AMZ2: variants seen among roughly 807,000 people sequenced by gnomAD.
AMZ2 encodes archaemetzincin-2.
A neutral mutation model predicts 36.7 loss-of-function variants in AMZ2; 26 were observed. That is an observed-to-expected ratio of 0.71 (90% CI 0.52 to 0.98). The LOEUF is 0.98. AMZ2 is among the 50% of genes least tolerant of loss of function. AMZ2 has a pLI of 0.00. For synonymous variants in AMZ2, 144 were observed against 149.1 expected (o/e 0.97, Z 0.25); for missense variants, 394 against 430.5 (o/e 0.92, Z 0.75).
intron 1 of AMZ2, among the ~76,000 whole-genome samples, chr17:68,232,611 A>G (rs2073692397): frequency 6.6e-6 from 1 of 152,058 alleles, no homozygotes; most frequent in African/African-American, 2.4e-5. Flanking sequence ...TGGGAGGACA[A>G]GTGGGTGGTT....
At chr17:68,241,300 G>A (rs1177769250) in intron 1 of AMZ2, among the ~76,000 whole-genome samples, 1 of 152,050 alleles carries the variant, frequency 6.6e-6, no homozygotes, top group South Asian at 2.1e-4. Flanking sequence ...AAAATAAAGA[G>A]GTTCTACAAG....
In AMZ2 at chr17:68,248,096, A is replaced by C. The variant is rs781926345; in HGVS notation, c.-610A>C. ...GTGAGGGCTGCCGCGGGTGGGTGGT[A>C]TCGAGGCCTGTCGGGTCAGGGCGGT... is the stretch of plus-strand genomic sequence containing the variant. On this transcript the variant is annotated 5_prime_UTR_variant, in exon 1 of 7. Transcript: ENST00000359904. 1.0e-6 allele frequency: 1 copy of C among 986,246 alleles called. No homozygotes were observed. Among genetic ancestry groups the C allele is most frequent in the Non-Finnish European group, 1.2e-6 (1 of 830,620 alleles). The allele number at this position is 986,246 out of a possible 1,614,324, so 61.1% of individuals were successfully genotyped here. A position where few individuals can be genotyped will look rare whatever the true frequency, so the allele number is the denominator to read the frequency against.
chr17:68,214,288 G>A (rs1332178328), intron 1 of AMZ2, among the ~76,000 whole-genome samples: 1 of 152,128 alleles, frequency 6.6e-6, no homozygotes, highest in Non-Finnish European at 1.5e-5. Flanking sequence ...CTTGAGGTCT[G>A]TCCTCGAGAG....
At chr17:68,251,910 C>T (rs1568379941) in intron 4 of AMZ2, among the ~76,000 whole-genome samples, 1 of 152,032 alleles carries the variant, frequency 6.6e-6, no homozygotes, top group Non-Finnish European at 1.5e-5. Flanking sequence ...TTTAAAGAGT[C>T]AAAACGTCCA....
chr17:68,251,011 A>G (rs1555739422), intron 3 of AMZ2, 39 bp from the exon 4 acceptor site: 4 of 1,605,786 alleles, frequency 2.5e-6, no homozygotes, highest in East Asian at 2.2e-5. Flanking sequence ...ATATGTATAT[A>G]ATATACACTC....
At chr17:68,234,022 A>G (rs1218994221) in intron 1 of AMZ2, among the ~76,000 whole-genome samples, 6 of 152,184 alleles carry the variant, frequency 3.9e-5, no homozygotes, top group Non-Finnish European at 8.8e-5. Flanking sequence ...TTTCTTCAGC[A>G]TATAAATGTG....
chr17:68,251,780 CAATG>C (rs1410071350), intron 4 of AMZ2, among the ~76,000 whole-genome samples: 3 of 152,202 alleles, frequency 2.0e-5, no homozygotes, highest in Non-Finnish European at 4.4e-5. Flanking sequence ...TTTGAGCTAT[CAATG>C]GATGTGAAAA....
intron 1 of AMZ2, chr17:68,206,491 A>C (rs1599237692): frequency 1.2e-5 from 2 of 168,198 alleles, no homozygotes; most frequent in Non-Finnish European, 2.5e-5. Flanking sequence ...TCTCCCCCCC[A>C]ACCTCCTCTT....
At chr17:68,228,050 G>A (rs2073561248) in intron 1 of AMZ2, among the ~76,000 whole-genome samples, 1 of 151,952 alleles carries the variant, frequency 6.6e-6, no homozygotes, top group African/African-American at 2.4e-5. Context: ...TGTCCTTTTT[G>A]CCTCCACTGC....
rs782516379 is a variant in AMZ2 at position 68,251,028 on chromosome 17, T to G, written c.458-22T>G. On this transcript the variant is annotated intron_variant, in intron 3 of 6. Coordinates refer to ENST00000359904, the MANE Select transcript of AMZ2 (RefSeq NM_016627.5). ...ATGTATATAATATACACTCATACAT[T>G]TATGTATTTCTTTTTAAATAGGGGA... 8.1e-6 allele frequency: 13 copies of G among 1,606,232 alleles called. No individual in the cohort carries two copies. The African/African-American group carries it at 1.8e-4, about 22-fold the overall frequency.
At chr17:68,228,141 C>T (rs1302031533) in intron 1 of AMZ2, among the ~76,000 whole-genome samples, 4 of 152,142 alleles carry the variant, frequency 2.6e-5, no homozygotes, top group African/African-American at 9.7e-5. Context: ...CCGAGCTCAG[C>T]TCCCCATCCT....
chr17:68,207,707 G>T (rs2072882586), intron 1 of AMZ2, among the ~76,000 whole-genome samples: 1 of 152,252 alleles, frequency 6.6e-6, no homozygotes, highest in Non-Finnish European at 1.5e-5. Context: ...AGCCCTCATA[G>T]CCCTCCCTGG....
chr17:68,220,636 G>A (rs1376903811), intron 1 of AMZ2, among the ~76,000 whole-genome samples: 1 of 152,148 alleles, frequency 6.6e-6, no homozygotes, highest in Non-Finnish European at 1.5e-5. Flanking sequence ...GATGCTTCCA[G>A]TCCAGCAGGG....
chr17:68,225,155 G>A (rs1729978168), intron 1 of AMZ2, among the ~76,000 whole-genome samples: 1 of 152,112 alleles, frequency 6.6e-6, no homozygotes, highest in Non-Finnish European at 1.5e-5. Flanking sequence ...TGGAACCACT[G>A]CACTCCAGCT....
rs2074130668 is a variant in AMZ2 at position 68,248,087 on chromosome 17, G to C, written c.-619G>C. On this transcript the variant is annotated 5_prime_UTR_variant, in exon 1 of 7. Coordinates refer to ENST00000359904, the MANE Select transcript of AMZ2 (RefSeq NM_016627.5). The stretch of plus-strand genomic sequence containing the variant: ...CGCATGCGCGTGAGGGCTGCCGCGG[G>C]TGGGTGGTATCGAGGCCTGTCGGGT... 2.0e-6 allele frequency: 2 copies of C among 986,218 alleles called. No individual in the cohort carries two copies. Among genetic ancestry groups the C allele is most frequent in the Admixed American group, 6.1e-5 (1 of 16,278 alleles). 61.1% of individuals were successfully genotyped at this position (986,218 alleles called of 1,614,324 possible). A position where few individuals can be genotyped will look rare whatever the true frequency, so the allele number is the denominator to read the frequency against.
chr17:68,238,114 G>A (rs1555733185), intron 1 of AMZ2, among the ~76,000 whole-genome samples: 2 of 152,202 alleles, frequency 1.3e-5, no homozygotes, highest in African/African-American at 4.8e-5. Flanking sequence ...CTGTCATCCT[G>A]AAGCAGAGGC....
rs782626405 is a variant in AMZ2, at chr17:68,250,186, A to T, written c.1-2A>T. On this transcript the variant is annotated splice_acceptor_variant, in intron 1 of 6. Coordinates refer to ENST00000359904, the MANE Select transcript of AMZ2 (RefSeq NM_016627.5). LOFTEE classifies it low-confidence loss of function (5UTR_SPLICE). ...ATTTGATTACTTGCTTTTTTTTGTTAGATGCAAATAATACGGCACTCCGAA... is the reference window on the plus strand; with the variant it reads ...ATTTGATTACTTGCTTTTTTTTGTTTGATGCAAATAATACGGCACTCCGAA... 6 of 1,600,918 alleles carry T rather than the reference A, an allele frequency of 3.7e-6. No homozygotes were observed. The Admixed American group carries it at 5.3e-5, about 14-fold the overall frequency.
At chr17:68,233,783 A>G (rs1259429077) in intron 1 of AMZ2, among the ~76,000 whole-genome samples, 3 of 151,334 alleles carry the variant, frequency 2.0e-5, no homozygotes, top group Admixed American at 6.6e-5. Context: ...GTGCAGTGGC[A>G]TGATCTTGGC....
chr17:68,211,796 ATGTGT>A (rs2073062723), intron 1 of AMZ2, among the ~76,000 whole-genome samples: 1 of 86,580 alleles, frequency 1.2e-5, no homozygotes, highest in African/African-American at 3.4e-5. Flanking sequence ...ATATGTATAT[ATGTGT>A]ATATGTATAT....
Sources: allele counts gnomAD v4.1 joint callset (sites outside exome capture counted in the v4.1 genomes callset), GRCh38; gene constraint gnomAD v4.1.1; transcripts MANE v1.5; gene names NCBI Gene and HGNC (gene_info 2026-07-23, HGNC 2026-07-21).